Variants in DOCK9 observed in about 807,000 individuals in gnomAD.
DOCK9 encodes dedicator of cytokinesis protein 9.
Under a neutral mutation model 263.3 loss-of-function variants are expected in DOCK9, and 89 were observed. The observed-to-expected ratio is 0.34, with a 90% CI of 0.28 to 0.40. DOCK9 has a LOEUF of 0.40. Ranked by LOEUF, DOCK9 falls within the 10% of genes least tolerant of loss-of-function variation. The probability of loss-of-function intolerance (pLI) is 1.00; values close to 1 mark genes in which losing one functional copy is unlikely to be tolerated. For missense variants in DOCK9, 2,140 were observed against 2,603.4 expected (o/e 0.82, Z 3.87); for synonymous variants, 976 against 973.1 (o/e 1.00, Z -0.06).
intron 9 of DOCK9, among the ~76,000 whole-genome samples, chr13:98,908,548 T>A (rs1014072066): frequency 6.6e-6 from 1 of 152,208 alleles, no homozygotes; most frequent in Non-Finnish European, 1.5e-5. Context: ...CTGATATGTA[T>A]GTAAGGGGGA....
At position 98,884,985 on chromosome 13, in the gene DOCK9, G is replaced by C; in HGVS notation, c.2368C>G (p.Leu790Val). Residue 790 changes from leucine to valine, a missense_variant, in exon 21 of 53, where the codon CTT (leucine) becomes GTT (valine). Coordinates refer to ENST00000682017, the MANE Select transcript of DOCK9 (RefSeq NM_001366683.2). ...ATGGGACATACCCTGCCCATCCCAA[G>C]CTCCTGGTAGCCAAGATAGCCCGAA... ...LPSGYLGYQE[L>V]GMGRHYGPEI... 6.2e-7 allele frequency: 1 copy of C among 1,613,552 alleles called. No homozygotes were observed. The highest frequency in any genetic ancestry group is 8.5e-7 in the Non-Finnish European group (1 of 1,179,714).
chr13:98,809,278 G>GT (rs67121295), intron 47 of DOCK9, 74 bp downstream of exon 47: 15,032 of 1,238,584 alleles, frequency 0.012, 42 homozygotes, highest in South Asian at 0.05. Flanking sequence ...CTTTATTATA[G>GT]TTTTTTTTTT....
chr13:99,008,200 CTCTCTCTCTCTCTATA>C (rs1006102988), intron 1 of DOCK9, among the ~76,000 whole-genome samples: 10 of 76,652 alleles, frequency 1.3e-4, no homozygotes, highest in East Asian at 1.5e-3. Flanking sequence ...CTCTCTCTCT[CTCTCTCTCTCTCTATA>C]TATATATATA....
intron 1 of DOCK9, among the ~76,000 whole-genome samples, chr13:99,012,683 C>T (rs775059365): frequency 6.6e-5 from 10 of 152,252 alleles, no homozygotes; most frequent in South Asian, 2.1e-4. Flanking sequence ...TTAAGAAATG[C>T]GTCATCAATA....
chr13:98,853,564 A>G (rs1395031459), intron 34 of DOCK9, 42 bp from the exon 35 acceptor site: 3 of 1,397,530 alleles, frequency 2.1e-6, no homozygotes, highest in Non-Finnish European at 3.0e-6. Flanking sequence ...TAATTACGGG[A>G]GGAAAACGTG....
intron 1 of DOCK9, among the ~76,000 whole-genome samples, chr13:99,028,911 G>T (rs942553992): frequency 5.4e-4 from 82 of 152,200 alleles, no homozygotes; most frequent in African/African-American, 1.8e-3. Context: ...AAAGGGGTAG[G>T]CTGGCCAATT....
At chr13:98,950,973 G>A (rs1332910258) in intron 2 of DOCK9, among the ~76,000 whole-genome samples, 1 of 152,194 alleles carries the variant, frequency 6.6e-6, no homozygotes, top group Non-Finnish European at 1.5e-5. Flanking sequence ...CAGGCGTCCT[G>A]GGCTTGACTT....
At chr13:99,008,202 CTCTCTCTCTCTA>C (rs1297263078) in intron 1 of DOCK9, among the ~76,000 whole-genome samples, 1,486 of 79,722 alleles carry the variant, frequency 0.019, 16 homozygotes, top group East Asian at 0.1. Context: ...CTCTCTCTCT[CTCTCTCTCTCTA>C]TATATATATA....
At chr13:98,983,122 G>T (rs1877601513) in intron 1 of DOCK9, among the ~76,000 whole-genome samples, 1 of 152,074 alleles carries the variant, frequency 6.6e-6, no homozygotes, top group African/African-American at 2.4e-5. Context: ...AAAGGCAAAA[G>T]AAAAATATGC....
intron 1 of DOCK9, among the ~76,000 whole-genome samples, chr13:99,057,928 A>G (rs1473538673): frequency 6.6e-6 from 1 of 152,170 alleles, no homozygotes; most frequent in Non-Finnish European, 1.5e-5. Context: ...TTGAAAACTG[A>G]TTGTATACTG....
chr13:99,087,565 C>T (rs1049242708), upstream of DOCK9, among the ~76,000 whole-genome samples: 6 of 152,244 alleles, frequency 3.9e-5, no homozygotes, highest in Non-Finnish European at 7.4e-5. Flanking sequence ...GAGGGACTTT[C>T]CCCCCAATAC....
intron 1 of DOCK9, among the ~76,000 whole-genome samples, chr13:99,045,045 C>G (rs754896596): frequency 6.6e-6 from 1 of 152,312 alleles, no homozygotes; most frequent in South Asian, 2.1e-4. Context: ...GGAATCCCTG[C>G]ATGCTGTTTG....
chr13:98,801,707 A>ACAAG (rs201389618), intron 49 of DOCK9, among the ~76,000 whole-genome samples: 234 of 152,266 alleles, frequency 1.5e-3, no homozygotes, highest in African/African-American at 5.3e-3. Flanking sequence ...TTTTTTTTGA[A>ACAAG]CAAGCAAACG....
chr13:98,863,875 T>C (rs561529804), intron 30 of DOCK9, among the ~76,000 whole-genome samples: 2 of 152,314 alleles, frequency 1.3e-5, no homozygotes, highest in African/African-American at 2.4e-5. Context: ...ATATGTTATA[T>C]TACAAATATA....
At chr13:99,036,088 G>A (rs976728103) in intron 1 of DOCK9, among the ~76,000 whole-genome samples, 22 of 152,072 alleles carry the variant, frequency 1.4e-4, no homozygotes, top group African/African-American at 4.3e-4. Flanking sequence ...CTCCATGATC[G>A]TTTAAGCCAA....
At chr13:99,024,787 C>T (rs966768000) in intron 1 of DOCK9, among the ~76,000 whole-genome samples, 1 of 152,134 alleles carries the variant, frequency 6.6e-6, no homozygotes, top group Non-Finnish European at 1.5e-5. Flanking sequence ...ATGTGGTTAC[C>T]TCTCTAAAAT....
rs575373655 is a variant in DOCK9, at chr13:98,895,120, T to C, written c.1709+2368A>G. On this transcript the variant is annotated intron_variant, in intron 15 of 52. Coordinates refer to ENST00000682017, the MANE Select transcript of DOCK9 (RefSeq NM_001366683.2). ...GAGATGGTGCCACTGCACTCCAGCC[T>C]GGCGACAGAGCGAGACTCCATCTCG... Among the ~76,000 whole-genome samples the C allele has an allele frequency of 1.4e-3, 195 of 141,390 alleles. 1 individual carries two copies. The highest frequency in any genetic ancestry group is 0.011 in the Middle Eastern group (3 of 268). 92.8% of individuals were successfully genotyped at this position (141,390 alleles called of 152,430 possible). A position where few individuals can be genotyped will look rare whatever the true frequency, so the allele number is the denominator to read the frequency against.
chr13:98,862,045 T>A (rs1025794685), intron 32 of DOCK9, among the ~76,000 whole-genome samples: 6 of 152,198 alleles, frequency 3.9e-5, no homozygotes, highest in African/African-American at 1.4e-4. Context: ...TTTTTGTGTC[T>A]CCTTCCCCCC....
At position 98,831,676 on chromosome 13, in the gene DOCK9, G is replaced by A. The variant is rs1400133564; in HGVS notation, c.4425C>T (p.Phe1475=). 1 of 1,613,642 alleles carries A rather than the reference G, an allele frequency of 6.2e-7. No homozygotes were observed. Among genetic ancestry groups the A allele is most frequent in the African/African-American group, 1.3e-5 (1 of 74,928 alleles). Residue 1475 remains phenylalanine, a synonymous_variant, in exon 40 of 53, where the codon TTC becomes TTT. Transcript: ENST00000682017. The part of the protein sequence containing the change: ...HQSETALKNV[F]TALRSLIYKF... ...TATAAATTAAGGACCTTAAGGCAGT[G>A]AAGACATTTTTTAAAGCCGTTTCAG...
Sources: gnomAD v4.1 joint callset for allele counts (sites outside exome capture counted in the v4.1 genomes callset) on GRCh38, gnomAD v4.1.1 for gene constraint, MANE v1.5 for transcripts, NCBI Gene and HGNC (gene_info 2026-07-23, HGNC 2026-07-21) for gene names.